NEIL3: variants seen among roughly 807,000 people sequenced by gnomAD.
NEIL3 encodes the protein nei like DNA glycosylase 3.
Under a neutral mutation model 57.5 loss-of-function variants are expected in NEIL3, and 48 were observed. The observed-to-expected ratio is 0.83, with a 90% CI of 0.66 to 1.06. The LOEUF (loss-of-function observed/expected upper bound fraction) is 1.06, where lower values mean the gene tolerates loss of function less well. Among genes scored for constraint, NEIL3 ranks in the 50% least tolerant of loss-of-function variants. The pLI, the probability that NEIL3 is intolerant of heterozygous loss-of-function variation, is 0.00. For missense variants in NEIL3, 717 were observed against 739.1 expected (o/e 0.97, Z 0.35); for synonymous variants, 261 against 253.2 (o/e 1.03, Z -0.29).
chr4:177,316,399 G>A (rs533650948), intron 1 of NEIL3, among the ~76,000 whole-genome samples: 14 of 152,084 alleles, frequency 9.2e-5, no homozygotes, highest in Non-Finnish European at 1.9e-4. Context: ...GGAAATTCTG[G>A]TAAGTAGAGT....
chr4:177,320,644 A>AT (rs1046323007), intron 1 of NEIL3, among the ~76,000 whole-genome samples: 9 of 149,040 alleles, frequency 6.0e-5, no homozygotes, highest in Non-Finnish European at 7.4e-5. Flanking sequence ...TGCCCGGCTA[A>AT]TTTTTTTTGT....
intron 8 of NEIL3, among the ~76,000 whole-genome samples, chr4:177,360,091 T>C (rs1039069327): frequency 6.6e-6 from 1 of 152,154 alleles, no homozygotes; most frequent in Non-Finnish European, 1.5e-5. Flanking sequence ...AGAAAATAAT[T>C]AGAGAAGATT....
intron 2 of NEIL3, among the ~76,000 whole-genome samples, chr4:177,324,378 T>C (rs1439040743): frequency 6.6e-6 from 1 of 152,060 alleles, no homozygotes; most frequent in East Asian, 1.9e-4. Flanking sequence ...ATCTCATAGG[T>C]TGGGCCATGA....
chr4:177,369,369 C>T, the NEIL3 span, among the ~76,000 whole-genome samples: 4 of 152,224 alleles, frequency 2.6e-5, no homozygotes, highest in African/African-American at 9.6e-5. Flanking sequence ...TTGGCTAGAT[C>T]ATAGGGTATG....
intron 4 of NEIL3, among the ~76,000 whole-genome samples, chr4:177,339,142 A>G (rs1735035602): frequency 6.6e-6 from 1 of 152,224 alleles, no homozygotes; most frequent in Non-Finnish European, 1.5e-5. Flanking sequence ...TTGAAAATCT[A>G]TATACAATTT....
chr4:177,351,251 C>T (rs1318216576), intron 6 of NEIL3, 129 bp from the exon 7 acceptor site: 2 of 193,204 alleles, frequency 1.0e-5, no homozygotes, highest in Non-Finnish European at 1.9e-5. Context: ...CTCTAAGATA[C>T]AGTACTAACT....
rs112835761 is a variant in NEIL3 at position 177,327,909 on chromosome 4, A to G, written c.278+5329A>G. The stretch of plus-strand genomic sequence containing the variant: ...CTGGAATATACTCCACTTTGTCATG[A>G]TGGATTGTCCTTTCTATATGTTTCT... On this transcript the variant is annotated intron_variant, in intron 2 of 9. Coordinates refer to ENST00000264596, the MANE Select transcript of NEIL3 (RefSeq NM_018248.3). Among the ~76,000 whole-genome samples, 1,224 of 152,204 alleles carry G rather than the reference A, an allele frequency of 8.0e-3. 14 individuals are homozygous for G. The highest frequency in any genetic ancestry group is 0.028 in the African/African-American group (1,162 of 41,508).
At chr4:177,355,267 A>C (rs551698733) in intron 8 of NEIL3, among the ~76,000 whole-genome samples, 66 of 152,346 alleles carry the variant, frequency 4.3e-4, no homozygotes, top group African/African-American at 1.6e-3. Flanking sequence ...AGACAGGCAG[A>C]GAAGGAGTTA....
At chr4:177,366,207 T>C (rs1332509684), downstream of NEIL3, among the ~76,000 whole-genome samples, 1 of 152,238 alleles carries the variant, frequency 6.6e-6, no homozygotes, top group Non-Finnish European at 1.5e-5. Flanking sequence ...GGAAATTAGC[T>C]TGTGAAATTT....
At chr4:177,314,253 A>G (rs936426068) in intron 1 of NEIL3, among the ~76,000 whole-genome samples, 6 of 152,232 alleles carry the variant, frequency 3.9e-5, no homozygotes, top group African/African-American at 7.2e-5. Flanking sequence ...GATAACAAAG[A>G]ACAGAAACAT....
Sources: allele counts gnomAD v4.1 joint callset (sites outside exome capture counted in the v4.1 genomes callset), GRCh38; gene constraint gnomAD v4.1.1; transcripts MANE v1.5; gene names NCBI Gene and HGNC (gene_info 2026-07-23, HGNC 2026-07-21).